The following METTL16 variants were observed in gnomAD, a reference collection of about 807,000 sequenced individuals.
METTL16 encodes RNA N(6)-adenosine-methyltransferase METTL16.
A neutral mutation model predicts 57.9 loss-of-function variants in METTL16; 19 were observed. The observed-to-expected ratio is 0.33, with a 90% CI of 0.23 to 0.48. The LOEUF (loss-of-function observed/expected upper bound fraction) is 0.48. Among genes scored for constraint, METTL16 ranks in the 20% least tolerant of loss-of-function variants. METTL16 has a pLI of 0.99. For synonymous variants in METTL16, 246 were observed against 255.6 expected (o/e 0.96, Z 0.36); for missense variants, 434 against 691.5 (o/e 0.63, Z 4.18).
chr17:2,500,186 C>T (rs2067477068), intron 2 of METTL16, among the ~76,000 whole-genome samples: 1 of 152,094 alleles, frequency 6.6e-6, no homozygotes, highest in Admixed American at 6.6e-5. Context: ...TGCCCCAGGG[C>T]CTCCATTTCT....
intron 8 of METTL16, among the ~76,000 whole-genome samples, chr17:2,431,603 G>T (rs1408323694): frequency 6.6e-6 from 1 of 151,968 alleles, no homozygotes; most frequent in African/African-American, 2.4e-5. Flanking sequence ...GAGAGGATCG[G>T]CAATTGCTCT....
In METTL16 at chr17:2,467,619, A is replaced by G. The variant is rs140728541; in HGVS notation, c.585+142T>C. The G allele has an allele frequency of 1.2e-3, 666 of 566,036 alleles. 2 individuals carry two copies. The highest frequency in any genetic ancestry group is 2.3e-3 in the South Asian group (123 of 52,534). 35.1% of individuals were successfully genotyped at this position (566,036 alleles called of 1,614,324 possible). A position where few individuals can be genotyped will look rare whatever the true frequency, so the allele number is the denominator to read the frequency against. ...TTTTTTGTATCTTTAGTAGAGACGG[A>G]GTTTCACCATGTTGGCCAGGCTGGT... On this transcript the variant is annotated intron_variant, in intron 5 of 9. Coordinates refer to ENST00000263092, the MANE Select transcript of METTL16 (RefSeq NM_024086.4).
At chr17:2,448,646 C>G (rs2067036199) in intron 6 of METTL16, among the ~76,000 whole-genome samples, 1 of 109,816 alleles carries the variant, frequency 9.1e-6, no homozygotes, top group Admixed American at 1.0e-4. Context: ...AACCAGAGAC[C>G]TTTGTTCACT....
chr17:2,480,841 T>G (rs2067300672), intron 2 of METTL16, among the ~76,000 whole-genome samples: 1 of 152,218 alleles, frequency 6.6e-6, no homozygotes, highest in Non-Finnish European at 1.5e-5. Context: ...GCAATCGCCA[T>G]GCTAATAATT....
rs753682445 is a variant in METTL16, at chr17:2,420,712, A to G, written c.1062+19T>C. 8 of 1,594,710 alleles carry G rather than the reference A, an allele frequency of 5.0e-6. No homozygotes were observed. Among genetic ancestry groups the G allele is most frequent in the Non-Finnish European group, 6.8e-6 (8 of 1,173,006 alleles). ...GAAGGATCATTATGAGTACTTCGTC[A>G]ATATGGTTAAGCAGGTACCTTCAAA... On this transcript the variant is annotated intron_variant, in intron 9 of 9. Coordinates refer to ENST00000263092, the MANE Select transcript of METTL16 (RefSeq NM_024086.4). This position sits in a 1 kb window ranked among gnomAD's most constrained non-coding sequence, Gnocchi z 5.4.
intron 2 of METTL16, among the ~76,000 whole-genome samples, chr17:2,483,691 G>A (rs145488706): frequency 4.6e-5 from 7 of 152,110 alleles, no homozygotes; most frequent in South Asian, 4.2e-4. Flanking sequence ...TTTCTTACTC[G>A]ACTAAAAGCA....
chr17:2,448,802 T>TAAAA (rs71150866), intron 6 of METTL16, among the ~76,000 whole-genome samples: 29 of 43,598 alleles, frequency 6.7e-4, no homozygotes, highest in African/African-American at 3.0e-3. Context: ...AAATAAAATT[T>TAAAA]AAAAAAAAAA....
At chr17:2,507,716 C>G (rs1005372235) in intron 1 of METTL16, among the ~76,000 whole-genome samples, 7 of 152,190 alleles carry the variant, frequency 4.6e-5, no homozygotes, top group Non-Finnish European at 7.4e-5. Context: ...ATTGAGAAAT[C>G]GGATGGTTGC....
At chr17:2,437,341 G>A (rs2066916043) in intron 8 of METTL16, among the ~76,000 whole-genome samples, 1 of 152,092 alleles carries the variant, frequency 6.6e-6, no homozygotes, top group African/African-American at 2.4e-5. Flanking sequence ...CCCAAGTGTT[G>A]CACATCAAAA....
At position 2,419,563 on chromosome 17, in the gene METTL16, A is replaced by C. The variant is rs780426570; in HGVS notation, c.*407T>G. On this transcript the variant is annotated 3_prime_UTR_variant, in exon 10 of 10. Transcript: ENST00000263092. ...AGGGCCTCCAGCTGGAGGCAGAGAG[A>C]GCCACCCCTCCTCAAGAAACACCCT... 4.4e-6 allele frequency: 2 copies of C among 459,242 alleles called. No homozygotes were observed. Among genetic ancestry groups the C allele is most frequent in the Non-Finnish European group, 8.7e-6 (2 of 229,944 alleles). 28.4% of individuals were successfully genotyped at this position (459,242 alleles called of 1,614,324 possible).
chr17:2,501,582 A>G (rs147442265), intron 2 of METTL16, among the ~76,000 whole-genome samples: 4,092 of 152,212 alleles, frequency 0.027, 96 homozygotes, highest in African/African-American at 0.067. Context: ...TCTTTAGGCC[A>G]GGCACAGTGG....
chr17:2,489,511 C>T (rs1030076764), intron 2 of METTL16, among the ~76,000 whole-genome samples: 3 of 151,712 alleles, frequency 2.0e-5, no homozygotes, highest in African/African-American at 7.3e-5. Context: ...AAAAATTAGC[C>T]GAGCGTGGTG....
At chr17:2,452,397 T>C (rs958044405) in intron 6 of METTL16, among the ~76,000 whole-genome samples, 1 of 152,182 alleles carries the variant, frequency 6.6e-6, no homozygotes, top group Non-Finnish European at 1.5e-5. Context: ...ATTGGATGTG[T>C]TAAAAATCCT....
intron 2 of METTL16, among the ~76,000 whole-genome samples, chr17:2,499,075 G>A (rs919558694): frequency 6.6e-6 from 1 of 151,460 alleles, no homozygotes; most frequent in Non-Finnish European, 1.5e-5. Context: ...CAAAGTCAGG[G>A]TACGGTCTCC....
chr17:2,486,179 C>A (rs2067339749), intron 2 of METTL16, among the ~76,000 whole-genome samples: 1 of 151,984 alleles, frequency 6.6e-6, no homozygotes, highest in South Asian at 2.1e-4. Flanking sequence ...TTACGTAGGG[C>A]ATTATAATTA....
rs1192160646 is a variant in METTL16, at chr17:2,440,725, C to T, written c.798+765G>A. 2.0e-5 allele frequency among the ~76,000 whole-genome samples: 3 copies of T among 151,814 alleles called. No individual in the cohort carries two copies. The East Asian group carries it at 5.8e-4, about 29-fold the overall frequency. ...ATGGTGCACACCTGTAATCCCAGCA[C>T]TTTGGGAGGCTGAGGTGAGAGGACT... On this transcript the variant is annotated intron_variant, in intron 7 of 9. Transcript: ENST00000263092.
At chr17:2,504,003 A>G (rs1214819470) in intron 1 of METTL16, among the ~76,000 whole-genome samples, 1 of 152,220 alleles carries the variant, frequency 6.6e-6, no homozygotes. Context: ...TCAAGAAAAT[A>G]CGGTATATAC....
chr17:2,483,819 T>C lies in METTL16; in HGVS notation c.129-5934A>G, dbSNP rs146475720. On this transcript the variant is annotated intron_variant, in intron 2 of 9. Transcript: ENST00000263092. ...ATTCCTGTGAAATCAGTCAAGTGTG[T>C]GAGAAAAATGGGCCAATTCCATTTC... 2.6e-4 allele frequency among the ~76,000 whole-genome samples: 40 copies of C among 152,340 alleles called. No individual in the cohort carries two copies. The East Asian group carries it at 6.7e-3, about 26-fold the overall frequency.
chr17:2,487,077 GAATT>G (rs1480589629), intron 2 of METTL16, among the ~76,000 whole-genome samples: 2 of 150,508 alleles, frequency 1.3e-5, no homozygotes, highest in African/African-American at 4.9e-5. Context: ...AAAGTGAAAG[GAATT>G]AGAGATATTT....
Sources: allele counts gnomAD v4.1 joint callset (sites outside exome capture counted in the v4.1 genomes callset), GRCh38; gene constraint gnomAD v4.1.1; non-coding constraint Gnocchi (gnomAD v3.1); transcripts MANE v1.5; gene names NCBI Gene and HGNC (gene_info 2026-07-23, HGNC 2026-07-21).